The following CENPO variants were observed in gnomAD, a reference collection of about 807,000 sequenced individuals.
CENPO encodes the protein centromeric protein O.
Under a neutral mutation model 36.1 loss-of-function variants are expected in CENPO, and 30 were observed. The ratio of observed to expected loss-of-function variants is 0.83; its 90% CI spans 0.62 to 1.13. The LOEUF is 1.13. CENPO is among the 50% of genes most tolerant of loss of function. The pLI is 0.00. For missense variants in CENPO, 349 were observed against 357.8 expected (o/e 0.98, Z 0.20); for synonymous variants, 171 against 142.3 (o/e 1.20, Z -1.44).
rs989990008 is a variant in CENPO at position 24,822,217 on chromosome 2, G to A, written c.*2899G>A. 7 of 262,186 alleles carry A rather than the reference G, an allele frequency of 2.7e-5. No homozygotes were observed. Among genetic ancestry groups the A allele is most frequent in the African/African-American group, 1.5e-4 (7 of 45,520 alleles). The allele number at this position is 262,186 out of a possible 1,614,324, so 16.2% of individuals were successfully genotyped here. A position where few individuals can be genotyped will look rare whatever the true frequency, so the allele number is the denominator to read the frequency against. On this transcript the variant is annotated 3_prime_UTR_variant, in exon 8 of 8. Coordinates refer to ENST00000380834, the MANE Select transcript of CENPO (RefSeq NM_001322101.2). ...GGCCATGCTTTCAGTTTCCCTTGTT[G>A]ACAATTGCTCTCCAGTTCCTATGAA...
chr2:24,821,179 T>C lies in CENPO; in HGVS notation c.*1861T>C, dbSNP rs1667640763. The C allele has an allele frequency of 4.7e-6, 2 of 429,868 alleles. No individual in the cohort carries two copies. Among genetic ancestry groups the C allele is most frequent in the Non-Finnish European group, 8.4e-6 (2 of 238,486 alleles). The allele number at this position is 429,868 out of a possible 1,614,324, so 26.6% of individuals were successfully genotyped here. On this transcript the variant is annotated 3_prime_UTR_variant, in exon 8 of 8. Transcript: ENST00000380834. Reference sequence around the variant, plus strand: ...AGAAGCAGCAGGTGATCTTAACTCCTTTCAAAGAGCAGGCCTGTCTGGGAA... The same window carrying C: ...AGAAGCAGCAGGTGATCTTAACTCCCTTCAAAGAGCAGGCCTGTCTGGGAA...
rs1200842383 is a variant in CENPO, at chr2:24,822,255, T to C, written c.*2937T>C. The C allele has an allele frequency of 5.2e-6, 2 of 387,496 alleles. No individual in the cohort carries two copies. Among genetic ancestry groups the C allele is most frequent in the Non-Finnish European group, 9.3e-6 (2 of 214,540 alleles). 24.0% of individuals were successfully genotyped at this position (387,496 alleles called of 1,614,324 possible). A position where few individuals can be genotyped will look rare whatever the true frequency, so the allele number is the denominator to read the frequency against. ...CAGTTCCTATGAAAGCACAGAGCCTTAGGGGGCCTGGCCACAGAACACAAC... is the reference window on the plus strand; with the variant it reads ...CAGTTCCTATGAAAGCACAGAGCCTCAGGGGGCCTGGCCACAGAACACAAC... On this transcript the variant is annotated 3_prime_UTR_variant, in exon 8 of 8. Transcript: ENST00000380834.
At chr2:24,798,888 G>C (rs1042304639) in intron 2 of CENPO, among the ~76,000 whole-genome samples, 7 of 151,446 alleles carry the variant, frequency 4.6e-5, no homozygotes, top group Middle Eastern at 3.2e-3. Context: ...GAAGATTAAG[G>C]TTTTCATATA....
chr2:24,798,634 G>A (rs1454661204), intron 2 of CENPO, among the ~76,000 whole-genome samples: 1 of 151,966 alleles, frequency 6.6e-6, no homozygotes, highest in African/African-American at 2.4e-5. Flanking sequence ...CTAATTTTTT[G>A]TGTTTTTGGT....
chr2:24,802,897 G>A (rs550819415), intron 3 of CENPO, among the ~76,000 whole-genome samples: 42 of 152,298 alleles, frequency 2.8e-4, no homozygotes, highest in African/African-American at 9.4e-4. Flanking sequence ...AGTTTCAGAA[G>A]GAATGGTACC....
chr2:24,816,478 G>T, intron 5 of CENPO, 168 bp from the exon 6 acceptor site: 1 of 604,998 alleles, frequency 1.7e-6, no homozygotes, highest in Admixed American at 2.9e-5. Flanking sequence ...AGTTATCTTA[G>T]GCATCTTTTT....
intron 3 of CENPO, among the ~76,000 whole-genome samples, chr2:24,811,048 AT>A (rs1666652241): frequency 6.7e-6 from 1 of 148,954 alleles, no homozygotes; most frequent in Non-Finnish European, 1.5e-5. Context: ...GCTTCAAGTG[AT>A]TCTCATGCCT....
In CENPO at chr2:24,814,511, A is replaced by T. The variant is rs1666849004; in HGVS notation, c.334+18A>T. The T allele has an allele frequency of 8.2e-7, 1 of 1,217,842 alleles. No individual in the cohort carries two copies. Among genetic ancestry groups the T allele is most frequent in the Non-Finnish European group, 1.2e-6 (1 of 818,342 alleles). 75.4% of individuals were successfully genotyped at this position (1,217,842 alleles called of 1,614,324 possible). ...TTTTACAGGTTTTGTTTGTTTTTTT[A>T]ACCTAATTTAGTCTGGGTCTGCCTC... On this transcript the variant is annotated intron_variant, in intron 4 of 7. Transcript: ENST00000380834.
At chr2:24,814,747 T>G (rs1666864592) in intron 4 of CENPO, 1 of 460,814 alleles carries the variant, frequency 2.2e-6, no homozygotes, top group Non-Finnish European at 3.9e-6. Context: ...TCCACTCATC[T>G]TAACAGTTCG....
chr2:24,793,834 C>T lies in CENPO; in HGVS notation c.-68-18C>T. 1 of 1,581,628 alleles carries T rather than the reference C, an allele frequency of 6.3e-7. No individual in the cohort carries two copies. The highest frequency in any genetic ancestry group is 8.7e-7 in the Non-Finnish European group (1 of 1,150,942). ...GGGACTAGATGTGATGTGACTGTTG[C>T]CATTTTTCTTTTATTAGCAAGGACA... is the stretch of plus-strand genomic sequence containing the variant. On this transcript the variant is annotated intron_variant, in intron 1 of 7. Transcript: ENST00000380834.
In CENPO at chr2:24,799,969, C is replaced by T. The variant is rs1264710534; in HGVS notation, c.216+125C>T. The T allele has an allele frequency of 1.1e-5, 12 of 1,066,782 alleles. No homozygotes were observed. The East Asian group carries it at 2.7e-4, about 24-fold the overall frequency. 66.1% of individuals were successfully genotyped at this position (1,066,782 alleles called of 1,614,324 possible). On this transcript the variant is annotated intron_variant, in intron 3 of 7. Coordinates refer to ENST00000380834, the MANE Select transcript of CENPO (RefSeq NM_001322101.2). ...GTGATCTTACTGGATTGATTGCAGT[C>T]CTTGATCCCTCAAATGATCAAACCT...
intron 3 of CENPO, among the ~76,000 whole-genome samples, chr2:24,802,740 T>C (rs2148262176): frequency 6.6e-6 from 1 of 152,380 alleles, no homozygotes; most frequent in South Asian, 2.1e-4. Flanking sequence ...CAGTATTTTA[T>C]TGAGGATTTT....
rs374134677 is a variant in CENPO, at chr2:24,815,725, C to T, written c.563C>T (p.Ser188Phe). ...FSLCEYLNAY[S>F]GRKYQADRLQ... ...CTCTGCGAGTACCTGAATGCTTACT[C>T]TGGGAGGAAGTACCAGGCAGACCGG... Residue 188 changes from serine (S) to phenylalanine (F), a missense_variant, in exon 5 of 8, where the codon TCT becomes TTT. Ser to Phe is a radical substitution (Grantham distance 155). Coordinates refer to ENST00000380834, the MANE Select transcript of CENPO (RefSeq NM_001322101.2). 5 of 1,614,002 alleles carry T rather than the reference C, an allele frequency of 3.1e-6. No homozygotes were observed. In the African/African-American group the frequency reaches 6.7e-5, roughly 22 times the overall value.
intron 3 of CENPO, among the ~76,000 whole-genome samples, chr2:24,805,747 C>T (rs1263072797): frequency 1.3e-5 from 2 of 152,196 alleles, no homozygotes; most frequent in African/African-American, 4.8e-5. Flanking sequence ...TGGGGGATGC[C>T]TCCCAGTTAG....
chr2:24,798,322 T>G lies in CENPO; in HGVS notation c.47-1353T>G, dbSNP rs74260989. Among the ~76,000 whole-genome samples the G allele has an allele frequency of 1.0e-3, 157 of 152,012 alleles. 3 individuals are homozygous for G. The East Asian group carries it at 0.028, about 27-fold the overall frequency. On this transcript the variant is annotated intron_variant, in intron 2 of 7. Coordinates refer to ENST00000380834, the MANE Select transcript of CENPO (RefSeq NM_001322101.2). ...GTGTGTGTTTGAAGACAGTTGAGACTTGAGCGTGTGTGGAAGGGAAATGAA... is the reference window on the plus strand; with the variant it reads ...GTGTGTGTTTGAAGACAGTTGAGACGTGAGCGTGTGTGGAAGGGAAATGAA...
intron 2 of CENPO, among the ~76,000 whole-genome samples, chr2:24,796,211 G>C (rs184873082): frequency 2.6e-5 from 4 of 152,066 alleles, no homozygotes; most frequent in African/African-American, 9.6e-5. Flanking sequence ...AAAATTAGCC[G>C]GGCATCGTGG....
chr2:24,816,519 C>T, intron 5 of CENPO, 127 bp from the exon 6 acceptor site: 1 of 672,434 alleles, frequency 1.5e-6, no homozygotes. Flanking sequence ...CTTTTTCTGT[C>T]CCTCATTTAT....
intron 3 of CENPO, among the ~76,000 whole-genome samples, chr2:24,811,466 T>G (rs575972695): frequency 0.062 from 9,029 of 145,882 alleles, 303 homozygotes; most frequent in Non-Finnish European, 0.079. Context: ...TTTTTGTTTT[T>G]TGTTTTTTTT....
chr2:24,820,489 A>C lies in CENPO; in HGVS notation c.*1171A>C, dbSNP rs1461851321. On this transcript the variant is annotated 3_prime_UTR_variant, in exon 8 of 8. Coordinates refer to ENST00000380834, the MANE Select transcript of CENPO (RefSeq NM_001322101.2). The stretch of plus-strand genomic sequence containing the variant: ...ACAAGGTATTAGAAGGTTCATACCC[A>C]AAGGTAGGCCATATGCATCTAGAAC... 1.1e-5 allele frequency: 16 copies of C among 1,398,262 alleles called. No individual in the cohort carries two copies. The South Asian group carries it at 2.2e-4, about 20-fold the overall frequency. The allele number at this position is 1,398,262 out of a possible 1,614,324, so 86.6% of individuals were successfully genotyped here. A position where few individuals can be genotyped will look rare whatever the true frequency, so the allele number is the denominator to read the frequency against.
Sources: gnomAD v4.1 joint callset for allele counts (sites outside exome capture counted in the v4.1 genomes callset) on GRCh38, gnomAD v4.1.1 for gene constraint, MANE v1.5 for transcripts, NCBI Gene and HGNC (gene_info 2026-07-23, HGNC 2026-07-21) for gene names.